ADGRV1: variants seen among roughly 807,000 people sequenced by gnomAD.
ADGRV1 encodes adhesion G protein-coupled receptor V1, also known as G-protein coupled receptor 98.
A neutral mutation model predicts 596.2 loss-of-function variants in ADGRV1; 359 were observed. The ratio of observed to expected loss-of-function variants is 0.60; its 90% CI spans 0.55 to 0.66. The LOEUF (loss-of-function observed/expected upper bound fraction) is 0.66, where lower values mean the gene tolerates loss of function less well. Among genes scored for constraint, ADGRV1 ranks in the 30% least tolerant of loss-of-function variants. The probability of loss-of-function intolerance (pLI) is 0.00; values close to 1 mark genes in which losing one functional copy is unlikely to be tolerated. For synonymous variants in ADGRV1, 2,681 were observed against 2,679.2 expected, an observed-to-expected ratio of 1.00 and a Z score of -0.02; for missense variants, 7,274 against 7,575.6, an observed-to-expected ratio of 0.96 and a Z score of 1.48.
At chr5:90,931,920 A>G (rs1775285346) in intron 83 of ADGRV1, among the ~76,000 whole-genome samples, 1 of 152,234 alleles carries the variant, frequency 6.6e-6, no homozygotes, top group Non-Finnish European at 1.5e-5. Flanking sequence ...TGGACATAAA[A>G]TGAATGGTCC....
At chr5:90,725,378 C>T in intron 47 of ADGRV1, 146 bp downstream of exon 47, 1 of 699,676 alleles carries the variant, frequency 1.4e-6, no homozygotes, top group Non-Finnish European at 2.3e-6. Flanking sequence ...AGCAAAGTAT[C>T]TTAATCCGGG....
In ADGRV1 at chr5:90,619,086, A is replaced by G; in HGVS notation, c.358A>G (p.Lys120Glu). 1 of 1,392,420 alleles carries G rather than the reference A, an allele frequency of 7.2e-7. No individual in the cohort carries two copies. The highest frequency in any genetic ancestry group is 9.6e-7 in the Non-Finnish European group (1 of 1,043,346). The allele number at this position is 1,392,420 out of a possible 1,614,324, so 86.3% of individuals were successfully genotyped here. A position where few individuals can be genotyped will look rare whatever the true frequency, so the allele number is the denominator to read the frequency against. Residue 120 changes from lysine (K) to glutamate (E), a missense_variant and splice_region_variant, in exon 4 of 90, where the codon AAA becomes GAA. By Grantham distance (56) the Lys-to-Glu change is moderately conservative. This residue lies in a region of ADGRV1 where 1,715 missense variants were observed against 1,708.8 expected (regional missense o/e 1.00). Coordinates refer to ENST00000405460, the MANE Select transcript of ADGRV1 (RefSeq NM_032119.4). The part of the protein sequence containing the change: ...ETFIFHLTLQ[K>E]PSANVKLGWP... The stretch of plus-strand genomic sequence containing the variant: ...TTTTATTTTTGGGATTTTATTTTAG[A>G]AACCTTCAGCAAATGTGAAGCTTGG...
At chr5:90,802,976 G>A in intron 71 of ADGRV1, 94 bp downstream of exon 71, 1 of 989,124 alleles carries the variant, frequency 1.0e-6, no homozygotes, top group Non-Finnish European at 1.4e-6. Context: ...TTTCTCATGA[G>A]TAACTATTTT....
chr5:91,125,444 C>T (rs1407381957), intron 87 of ADGRV1, among the ~76,000 whole-genome samples: 1 of 152,174 alleles, frequency 6.6e-6, no homozygotes. Context: ...CAGCACAGAG[C>T]TGTTGCCTGA....
chr5:91,014,136 C>CACACACACACA lies in ADGRV1; in HGVS notation c.18152+28614_18152+28615insACACACACACA, dbSNP rs1782962720. 5.5e-3 allele frequency among the ~76,000 whole-genome samples: 195 copies of CACACACACACA among 35,696 alleles called. 1 individual carries two copies. Among genetic ancestry groups the CACACACACACA allele is most frequent in the African/African-American group, 0.016 (187 of 11,368 alleles). The allele number at this position is 35,696 out of a possible 152,430, so 23.4% of individuals were successfully genotyped here. A position where few individuals can be genotyped will look rare whatever the true frequency, so the allele number is the denominator to read the frequency against. On this transcript the variant is annotated intron_variant, in intron 85 of 89. Coordinates refer to ENST00000405460, the MANE Select transcript of ADGRV1 (RefSeq NM_032119.4). ...TCATAGGCAATCCCATTCACAATTGCCACACACACACACACACACACACAC... is the reference window on the plus strand; with the variant it reads ...TCATAGGCAATCCCATTCACAATTGCACACACACACACACACACACACACACACACACACAC...
chr5:90,853,615 T>C, intron 80 of ADGRV1, 82 bp downstream of exon 80: 1 of 1,383,740 alleles, frequency 7.2e-7, no homozygotes, highest in Non-Finnish European at 9.9e-7. Context: ...ATTTGTTTGA[T>C]CACAGTTTTG....
At chr5:90,766,882 C>T (rs1309718754) in intron 59 of ADGRV1, among the ~76,000 whole-genome samples, 2 of 152,190 alleles carry the variant, frequency 1.3e-5, no homozygotes, top group African/African-American at 2.4e-5. Context: ...TTTCTTCCTC[C>T]TCTTTCCCTT....
chr5:90,732,213 A>T (rs1377442521), intron 50 of ADGRV1, among the ~76,000 whole-genome samples: 1 of 152,194 alleles, frequency 6.6e-6, no homozygotes, highest in Non-Finnish European at 1.5e-5. Context: ...TGTGTTGCCC[A>T]GCCTGGTCTT....
intron 85 of ADGRV1, among the ~76,000 whole-genome samples, chr5:91,065,970 T>A (rs781276856): frequency 6.6e-6 from 1 of 152,196 alleles, no homozygotes; most frequent in African/African-American, 2.4e-5. Context: ...GTAAAAGTTA[T>A]GTGGTTGTAA....
chr5:90,721,836 G>C (rs1488009758), intron 45 of ADGRV1, among the ~76,000 whole-genome samples: 2 of 151,598 alleles, frequency 1.3e-5, no homozygotes, highest in Non-Finnish European at 2.9e-5. Flanking sequence ...GACTGGGTTG[G>C]AAGAACATGG....
chr5:90,945,240 A>ATT (rs370382857), intron 83 of ADGRV1, among the ~76,000 whole-genome samples: 4 of 146,974 alleles, frequency 2.7e-5, no homozygotes, highest in African/African-American at 9.9e-5. Context: ...CCAAAAACAG[A>ATT]TTTTTTTTTT....
intron 1 of ADGRV1, among the ~76,000 whole-genome samples, chr5:90,606,439 A>G (rs567872908): frequency 2.6e-5 from 4 of 152,352 alleles, no homozygotes; most frequent in African/African-American, 9.6e-5. Context: ...GGCAAGCTCA[A>G]TGTCCTGCAG....
At chr5:90,927,801 T>G (rs891572354) in intron 83 of ADGRV1, among the ~76,000 whole-genome samples, 4 of 152,204 alleles carry the variant, frequency 2.6e-5, no homozygotes, top group African/African-American at 9.7e-5. Context: ...AGCGCTTCCT[T>G]CAGGAGCTCT....
intron 83 of ADGRV1, among the ~76,000 whole-genome samples, chr5:90,927,793 C>T (rs55977992): frequency 0.28 from 42,238 of 151,790 alleles, 6,412 homozygotes; most frequent in Non-Finnish European, 0.34. Context: ...CCATGTTTAG[C>T]GCTTCCTTCA....
At chr5:90,910,285 TTTAATCAGATATA>T (rs1772742502) in intron 83 of ADGRV1, among the ~76,000 whole-genome samples, 1 of 152,206 alleles carries the variant, frequency 6.6e-6, no homozygotes, top group Non-Finnish European at 1.5e-5. Context: ...TCAGTGGTAT[TTTAATCAGATATA>T]ACCGAACTTC....
At position 90,783,910 on chromosome 5, in the gene ADGRV1, G is replaced by A; in HGVS notation, c.13506G>A (p.Val4502=). The part of the protein sequence containing the change: ...TGGAVLGRHL[V]SRIIIAKSDS... ...GAGCGGTCCTTGGGCGCCACCTAGT[G>A]AGCAGAATCATAATAGCTAAGAGTG... Residue 4502 remains valine (V), a synonymous_variant, in exon 67 of 90, where the codon GTG becomes GTA. Coordinates refer to ENST00000405460, the MANE Select transcript of ADGRV1 (RefSeq NM_032119.4). 1 of 1,612,306 alleles carries A rather than the reference G, an allele frequency of 6.2e-7. No homozygotes were observed. Among genetic ancestry groups the A allele is most frequent in the Non-Finnish European group, 8.5e-7 (1 of 1,179,258 alleles).
chr5:90,685,822 CG>C lies in ADGRV1; in HGVS notation c.6318del (p.Gln2107AsnfsTer2). The C allele has an allele frequency of 6.2e-7, 1 of 1,611,334 alleles. No individual in the cohort carries two copies. Among genetic ancestry groups the C allele is most frequent in the Non-Finnish European group, 8.5e-7 (1 of 1,178,622 alleles). The stretch of plus-strand genomic sequence containing the variant: ...CTTGGGCCTAAGGTAGAAACTATTG[CG>C]CAACTAATTATCATTGCCAATGATG... The part of the protein sequence containing the change: ...PRLGPKVETI[A>X]QLIIIANDDA... On this transcript the variant is annotated frameshift_variant, in exon 29 of 90. Transcript: ENST00000405460. LOFTEE classifies it high-confidence loss of function.
At chr5:90,829,286 G>T in intron 77 of ADGRV1, 100 bp downstream of exon 77, 1 of 1,039,454 alleles carries the variant, frequency 9.6e-7, no homozygotes, top group Non-Finnish European at 1.3e-6. Flanking sequence ...ATTTTCTGAG[G>T]ATAACATCGT....
chr5:90,798,598 C>G (rs545610195), intron 70 of ADGRV1, among the ~76,000 whole-genome samples: 63 of 152,208 alleles, frequency 4.1e-4, no homozygotes, highest in African/African-American at 1.4e-3. Flanking sequence ...AATTCTGATA[C>G]CAAAACCTGA....
Sources: allele counts gnomAD v4.1 joint callset (sites outside exome capture counted in the v4.1 genomes callset), GRCh38; gene constraint gnomAD v4.1.1; regional missense constraint gnomAD v4.1.1; transcripts MANE v1.5; gene names NCBI Gene and HGNC (gene_info 2026-07-23, HGNC 2026-07-21).